CLYBL: variants seen among roughly 807,000 people sequenced by gnomAD.
The protein encoded by CLYBL is citramalyl-CoA lyase, mitochondrial.
In CLYBL, 31 loss-of-function variants were observed where a neutral mutation model predicts 38.9. That is an observed-to-expected ratio of 0.80 (90% CI 0.60 to 1.08). The LOEUF (loss-of-function observed/expected upper bound fraction) is 1.08, where lower values mean the gene tolerates loss of function less well. CLYBL is among the 50% of genes least tolerant of loss of function. The pLI is 0.00. For missense variants in CLYBL, 434 were observed against 411.6 expected (o/e 1.05, Z -0.47); for synonymous variants, 171 against 158.6 (o/e 1.08, Z -0.59).
At chr13:99,655,535 C>T (rs1421716291) in intron 1 of CLYBL, among the ~76,000 whole-genome samples, 1 of 152,244 alleles carries the variant, frequency 6.6e-6, no homozygotes, top group African/African-American at 2.4e-5. Context: ...TGTGTTGCCA[C>T]CTTGGTGGCT....
intron 3 of CLYBL, among the ~76,000 whole-genome samples, chr13:99,862,384 C>T (rs978624656): frequency 5.3e-5 from 8 of 152,178 alleles, no homozygotes; most frequent in Non-Finnish European, 1.0e-4. Flanking sequence ...ACCCCACTGG[C>T]AGCACAGAGC....
At chr13:99,697,925 G>A (rs372417734) in intron 1 of CLYBL, among the ~76,000 whole-genome samples, 2 of 152,158 alleles carry the variant, frequency 1.3e-5, no homozygotes, top group East Asian at 1.9e-4. Flanking sequence ...TGGGATTTCA[G>A]GCGTGAGCCA....
At chr13:99,637,874 G>T (rs983093266) in intron 1 of CLYBL, among the ~76,000 whole-genome samples, 12 of 150,240 alleles carry the variant, frequency 8.0e-5, no homozygotes, top group Non-Finnish European at 1.8e-4. Flanking sequence ...CTTTCAAGGA[G>T]AATTTTTAAA....
At chr13:99,821,757 C>T (rs918259133) in intron 2 of CLYBL, among the ~76,000 whole-genome samples, 19 of 152,208 alleles carry the variant, frequency 1.2e-4, no homozygotes, top group Non-Finnish European at 2.2e-4. Flanking sequence ...TGCTTGGGAA[C>T]AACATAGCAC....
intron 1 of CLYBL, among the ~76,000 whole-genome samples, chr13:99,622,117 C>G (rs78999982): frequency 9.2e-4 from 140 of 152,354 alleles, no homozygotes; most frequent in African/African-American, 3.2e-3. Context: ...TGCCATCTCT[C>G]GGGTTCTGTT....
At chr13:99,607,192 A>G (rs982070053) in intron 1 of CLYBL, among the ~76,000 whole-genome samples, 2 of 97,668 alleles carry the variant, frequency 2.0e-5, no homozygotes, top group Non-Finnish European at 4.4e-5. Flanking sequence ...GCTTTTGCTT[A>G]TATCTATTGA....
At chr13:99,752,137 G>A (rs752024702) in intron 1 of CLYBL, among the ~76,000 whole-genome samples, 2 of 152,176 alleles carry the variant, frequency 1.3e-5, no homozygotes, top group Non-Finnish European at 2.9e-5. Context: ...TGCCGCTGGT[G>A]GGAGTGTAAA....
chr13:99,746,107 A>G (rs1219264352), intron 1 of CLYBL, among the ~76,000 whole-genome samples: 1 of 151,786 alleles, frequency 6.6e-6, no homozygotes, highest in Non-Finnish European at 1.5e-5. Context: ...GAAAAAAAAA[A>G]TGCTCTTCCA....
At position 99,637,962 on chromosome 13, in the gene CLYBL, C is replaced by CTTATTTTTT. The variant is rs767108553; in HGVS notation, c.62+31207_62+31208insATTTTTTTT. Among the ~76,000 whole-genome samples, 37 of 94,998 alleles carry CTTATTTTTT rather than the reference C, an allele frequency of 3.9e-4. 1 individual carries two copies. Among genetic ancestry groups the CTTATTTTTT allele is most frequent in the African/African-American group, 1.4e-3 (36 of 25,570 alleles). 62.3% of individuals were successfully genotyped at this position (94,998 alleles called of 152,430 possible). On this transcript the variant is annotated intron_variant, in intron 1 of 8. Transcript: ENST00000339105. ...ATCTAGTTATCCAAGTCAACAGTGC[C>CTTATTTTTT]TTTTTTTTTTTTTTTTTTTGAGACA... is the stretch of plus-strand genomic sequence containing the variant.
chr13:99,738,533 G>A (rs909111935), intron 1 of CLYBL, among the ~76,000 whole-genome samples: 5 of 152,108 alleles, frequency 3.3e-5, no homozygotes, highest in South Asian at 2.1e-4. Context: ...AAGTCTGTTC[G>A]TTGGTCAGTC....
At chr13:99,786,641 A>G (rs2049802323) in intron 2 of CLYBL, among the ~76,000 whole-genome samples, 1 of 152,296 alleles carries the variant, frequency 6.6e-6, no homozygotes, top group South Asian at 2.1e-4. Flanking sequence ...AGTCTTTGCT[A>G]TTGTGCATAG....
At chr13:99,610,705 G>A (rs1486408318) in intron 1 of CLYBL, among the ~76,000 whole-genome samples, 3 of 152,154 alleles carry the variant, frequency 2.0e-5, no homozygotes, top group African/African-American at 7.2e-5. Flanking sequence ...GAGCACTTAA[G>A]GTCTTTCCTT....
Position 99,847,552 on chromosome 13 carries a change from G to A in CLYBL, c.250-11309G>A, listed in dbSNP as rs144926373. Among the ~76,000 whole-genome samples the A allele has an allele frequency of 1.2e-3, 187 of 152,300 alleles. 1 individual carries two copies. Among genetic ancestry groups the A allele is most frequent in the African/African-American group, 3.8e-3 (156 of 41,560 alleles). ...TACCTTCTCTTTCCTCACTGAGCCC[G>A]GGCTAAGCGAGACCAATTAGAAGGC... On this transcript the variant is annotated intron_variant, in intron 2 of 8. Coordinates refer to ENST00000339105, the MANE Select transcript of CLYBL (RefSeq NM_206808.5).
chr13:99,748,791 G>C (rs1157503781), intron 1 of CLYBL, among the ~76,000 whole-genome samples: 1 of 152,106 alleles, frequency 6.6e-6, no homozygotes, highest in Non-Finnish European at 1.5e-5. Flanking sequence ...ATGGAAGTGA[G>C]AATCGTAGAA....
chr13:99,710,959 C>G (rs1193298651), intron 1 of CLYBL, among the ~76,000 whole-genome samples: 1 of 143,444 alleles, frequency 7.0e-6, no homozygotes, highest in Non-Finnish European at 1.5e-5. Context: ...GTGATCTCGG[C>G]TCACTGCAAC....
chr13:99,649,373 A>G (rs2047219268), intron 1 of CLYBL, among the ~76,000 whole-genome samples: 1 of 152,208 alleles, frequency 6.6e-6, no homozygotes, highest in African/African-American at 2.4e-5. Flanking sequence ...TTTTTCATAT[A>G]CTGGTGCAGG....
At chr13:99,676,236 CCTTT>C (rs1475517090) in intron 1 of CLYBL, among the ~76,000 whole-genome samples, 1,282 of 119,286 alleles carry the variant, frequency 0.011, 23 homozygotes, top group African/African-American at 0.04. Flanking sequence ...TTCCTTCCTT[CCTTT>C]CCTCCCTTTC....
chr13:99,721,883 G>T (rs996562354), intron 1 of CLYBL, among the ~76,000 whole-genome samples: 2 of 152,060 alleles, frequency 1.3e-5, no homozygotes, highest in Admixed American at 6.6e-5. Context: ...GAGTCCAGGG[G>T]CCCTGGATTG....
At chr13:99,756,490 C>T (rs2049065051) in intron 1 of CLYBL, among the ~76,000 whole-genome samples, 1 of 152,112 alleles carries the variant, frequency 6.6e-6, no homozygotes, top group Non-Finnish European at 1.5e-5. Flanking sequence ...TGTTTTAGCC[C>T]CTAAAGCAAG....
Sources: gnomAD v4.1 joint callset for allele counts (sites outside exome capture counted in the v4.1 genomes callset) on GRCh38, gnomAD v4.1.1 for gene constraint, MANE v1.5 for transcripts, NCBI Gene and HGNC (gene_info 2026-07-23, HGNC 2026-07-21) for gene names.